LAMA1: variants seen among roughly 807,000 people sequenced by gnomAD.
LAMA1 encodes the protein laminin subunit alpha-1.
In LAMA1, 219 loss-of-function variants were observed where a neutral mutation model predicts 348.7. The observed-to-expected ratio is 0.63, with a 90% CI of 0.56 to 0.70. The LOEUF is 0.70. Ranked by LOEUF, LAMA1 falls within the 30% of genes least tolerant of loss-of-function variation. The pLI is 0.00. For synonymous variants in LAMA1, 1,487 were observed against 1,491.0 expected (o/e 1.00, Z 0.06); for missense variants, 3,744 against 3,888.0 (o/e 0.96, Z 0.99).
rs79906059 is a variant in LAMA1, at chr18:6,993,097, T to C, written c.5009-377A>G. ...GCTTGATCCTACTTTTTTTATTAAG[T>C]ATACTTTGTTCTAATAATTTCCTTA... is the stretch of plus-strand genomic sequence containing the variant. On this transcript the variant is annotated intron_variant, in intron 35 of 62. Coordinates refer to ENST00000389658, the MANE Select transcript of LAMA1 (RefSeq NM_005559.4). 2.8e-3 allele frequency among the ~76,000 whole-genome samples: 427 copies of C among 152,342 alleles called. 2 individuals are homozygous for C. Among genetic ancestry groups the C allele is most frequent in the African/African-American group, 9.2e-3 (381 of 41,580 alleles).
intron 1 of LAMA1, among the ~76,000 whole-genome samples, chr18:7,107,029 A>G (rs1465307633): frequency 6.6e-6 from 1 of 151,808 alleles, no homozygotes; most frequent in Non-Finnish European, 1.5e-5. Context: ...CCCCTAACTT[A>G]CATGAATATG....
At chr18:6,985,474 T>C (rs1433097640) in intron 38 of LAMA1, 53 bp downstream of exon 38, 1 of 1,606,278 alleles carries the variant, frequency 6.2e-7, no homozygotes, top group African/African-American at 1.3e-5. Flanking sequence ...ATAGAAAAGA[T>C]GTGTGAAGAT....
chr18:7,025,317 G>A (rs2057937487), intron 17 of LAMA1, among the ~76,000 whole-genome samples: 5 of 152,202 alleles, frequency 3.3e-5, no homozygotes, highest in South Asian at 4.1e-4. Context: ...TGCCTAGAAC[G>A]CCCGTCTATG....
intron 3 of LAMA1, among the ~76,000 whole-genome samples, chr18:7,074,669 T>C (rs753247087): frequency 6.6e-6 from 1 of 152,184 alleles, no homozygotes; most frequent in Admixed American, 6.5e-5. Flanking sequence ...TATGCTTTAC[T>C]TTTCTTAAAA....
At chr18:6,945,015 C>T (rs1269849858) in intron 61 of LAMA1, among the ~76,000 whole-genome samples, 1 of 152,028 alleles carries the variant, frequency 6.6e-6, no homozygotes, top group Non-Finnish European at 1.5e-5. Flanking sequence ...TTGTTTGCAG[C>T]AATTACACTT....
At chr18:7,026,866 G>A (rs1188296960) in intron 16 of LAMA1, among the ~76,000 whole-genome samples, 2 of 151,918 alleles carry the variant, frequency 1.3e-5, no homozygotes, top group Non-Finnish European at 2.9e-5. Context: ...GCTTGGTGGC[G>A]GGCGCCTGTA....
Position 7,026,079 on chromosome 18 carries a change from G to C in LAMA1, c.2302C>G (p.His768Asp), listed in dbSNP as rs771864011. Residue 768 changes from histidine to aspartate, a missense_variant, in exon 17 of 63, where the codon CAC becomes GAC. His to Asp is a moderately conservative substitution (Grantham distance 81). Transcript: ENST00000389658. ...IACAHNTTGV[H>D]CEQCLPGFYG... is the part of the protein sequence containing the mutation. ...AAGCCGGGCAAGCACTGCTCACAGT[G>C]GACGCCGGTGGTGTTGTGCGCACAC... The C allele has an allele frequency of 9.3e-6, 15 of 1,611,408 alleles. No individual in the cohort carries two copies. Among genetic ancestry groups the C allele is most frequent in the Non-Finnish European group, 1.3e-5 (15 of 1,178,686 alleles).
chr18:7,116,711 C>CA (rs2058357836), intron 1 of LAMA1, among the ~76,000 whole-genome samples: 1 of 152,220 alleles, frequency 6.6e-6, no homozygotes, highest in Admixed American at 6.5e-5. Flanking sequence ...CGAAGCCACG[C>CA]TGCGAAGACA....
chr18:7,086,267 T>C (rs941881388), intron 1 of LAMA1, among the ~76,000 whole-genome samples: 2 of 152,118 alleles, frequency 1.3e-5, no homozygotes, highest in African/African-American at 4.8e-5. Context: ...TGCAGCAATA[T>C]TTGAAAACAG....
intron 32 of LAMA1, 71 bp from the exon 33 acceptor site, chr18:6,997,955 T>A: frequency 7.0e-7 from 1 of 1,422,254 alleles, no homozygotes; most frequent in East Asian, 2.3e-5. Flanking sequence ...TTCATGGAGT[T>A]GCGCAAGTTG....
chr18:7,040,018 C>A (rs2058013353), intron 10 of LAMA1, 58 bp downstream of exon 10: 7 of 1,581,298 alleles, frequency 4.4e-6, no homozygotes, highest in Non-Finnish European at 4.3e-6. Context: ...ATGGAAAACA[C>A]TCCTTTTCCA....
At chr18:6,998,273 C>T (rs557218809) in intron 32 of LAMA1, among the ~76,000 whole-genome samples, 1 of 152,072 alleles carries the variant, frequency 6.6e-6, no homozygotes, top group Non-Finnish European at 1.5e-5. Context: ...GGTGAACACA[C>T]GCTGACGAAA....
intron 61 of LAMA1, among the ~76,000 whole-genome samples, chr18:6,943,694 C>T (rs968253268): frequency 6.6e-6 from 1 of 151,558 alleles, no homozygotes; most frequent in Non-Finnish European, 1.5e-5. Flanking sequence ...ACTAAAAACA[C>T]AAAAAAATTA....
intron 10 of LAMA1, 140 bp downstream of exon 10, chr18:7,039,936 C>T: frequency 2.1e-6 from 2 of 942,272 alleles, no homozygotes; most frequent in South Asian, 1.4e-5. Context: ...CTCGGTGTGG[C>T]TTGGAGAGAA....
chr18:6,991,047 T>C (rs900583944), intron 36 of LAMA1, among the ~76,000 whole-genome samples: 9 of 152,050 alleles, frequency 5.9e-5, no homozygotes, highest in African/African-American at 2.2e-4. Flanking sequence ...CTCACGCCCA[T>C]CTCCCAGGAC....
intron 3 of LAMA1, among the ~76,000 whole-genome samples, chr18:7,057,769 G>A (rs1395956434): frequency 2.7e-5 from 4 of 149,658 alleles, no homozygotes; most frequent in South Asian, 2.1e-4. Flanking sequence ...GTGAACCACC[G>A]CATCCAGCCC....
At position 7,011,978 on chromosome 18, in the gene LAMA1, C is replaced by T. The variant is rs79060775; in HGVS notation, c.3507+17G>A. On this transcript the variant is annotated intron_variant, in intron 24 of 62. Coordinates refer to ENST00000389658, the MANE Select transcript of LAMA1 (RefSeq NM_005559.4). ...AGTGGGGTTAGAAGCAGAACACTTTCGCTGTGTGTGACTTACTGGGGTCCT... is the reference window on the plus strand; with the variant it reads ...AGTGGGGTTAGAAGCAGAACACTTTTGCTGTGTGTGACTTACTGGGGTCCT... 5.3e-5 allele frequency: 85 copies of T among 1,592,272 alleles called. No homozygotes were observed. Among genetic ancestry groups the T allele is most frequent in the South Asian group, 2.8e-4 (25 of 88,268 alleles).
chr18:7,027,529 T>C (rs2057949387), intron 16 of LAMA1, among the ~76,000 whole-genome samples: 1 of 143,526 alleles, frequency 7.0e-6, no homozygotes. Flanking sequence ...TAACTAGACA[T>C]GAGAAACAAC....
chr18:7,117,604 G>A (rs1237653118), intron 1 of LAMA1, 56 bp downstream of exon 1: 1 of 1,559,362 alleles, frequency 6.4e-7, no homozygotes, highest in Non-Finnish European at 8.7e-7. Context: ...GTCCGCGGCC[G>A]CCCCCGCCCG....
Sources: gnomAD v4.1 joint callset for allele counts (sites outside exome capture counted in the v4.1 genomes callset) on GRCh38, gnomAD v4.1.1 for gene constraint, MANE v1.5 for transcripts, NCBI Gene and HGNC (gene_info 2026-07-23, HGNC 2026-07-21) for gene names.